The following CEP95 variants were observed in gnomAD, a reference collection of about 807,000 sequenced individuals.
The protein encoded by CEP95 is centrosomal protein 95.
Under a neutral mutation model 111.2 loss-of-function variants are expected in CEP95, and 98 were observed. The ratio of observed to expected loss-of-function variants is 0.88; its 90% CI spans 0.75 to 1.04. The LOEUF is 1.04. Among genes scored for constraint, CEP95 ranks in the 50% least tolerant of loss-of-function variants. CEP95 has a pLI of 0.00. For missense variants in CEP95, 1,027 were observed against 977.2 expected, an observed-to-expected ratio of 1.05 and a Z score of -0.68; for synonymous variants, 323 against 327.1, an observed-to-expected ratio of 0.99 and a Z score of 0.14.
In CEP95 at chr17:64,509,354, A is replaced by G. The variant is rs1598173382; in HGVS notation, c.148+634A>G. Among the ~76,000 whole-genome samples, 5 of 152,332 alleles carry G rather than the reference A, an allele frequency of 3.3e-5. 1 individual carries two copies. Among genetic ancestry groups the G allele is most frequent in the Admixed American group, 2.0e-4 (3 of 15,308 alleles). On this transcript the variant is annotated intron_variant, in intron 2 of 19. Transcript: ENST00000556440. The stretch of plus-strand genomic sequence containing the variant: ...GCCTGTGCTGACCTTTTAAATCTTT[A>G]TACCAATAATTCTAGTTGGCTATTC...
intron 13 of CEP95, 46 bp downstream of exon 13, chr17:64,531,064 G>T (rs1555680233): frequency 9.0e-7 from 1 of 1,113,182 alleles, no homozygotes; most frequent in Admixed American, 2.3e-5. Context: ...GATCAGATGA[G>T]TGGGAAGTAC....
In CEP95 at chr17:64,529,364, C is replaced by A. The variant is rs1568149525; in HGVS notation, c.1383C>A (p.Phe461Leu). ...SPSPVNKHKQFHLERKRQRKP... is the reference protein window; with the variant it reads ...SPSPVNKHKQLHLERKRQRKP... ...CTCCAGTTAACAAACACAAACAGTT[C>A]CACTTGGAGAGAAAAAGGCAGCGCA... The change falls in exon 12 of 20, where the codon TTC (phenylalanine) becomes TTA (leucine). Residue 461 changes from phenylalanine (F) to leucine (L), a missense_variant. Physicochemically the swap from Phe to Leu is conservative, Grantham distance 22 (BLOSUM62 0). Coordinates refer to ENST00000556440, the MANE Select transcript of CEP95 (RefSeq NM_138363.3). The A allele has an allele frequency of 6.2e-7, 1 of 1,613,822 alleles. No individual in the cohort carries two copies. Among genetic ancestry groups the A allele is most frequent in the Non-Finnish European group, 8.5e-7 (1 of 1,179,800 alleles).
rs868994131 is a variant in CEP95 at position 64,522,737 on chromosome 17, AG to A, written c.753del (p.Lys252SerfsTer2). 3.1e-6 allele frequency: 5 copies of A among 1,613,352 alleles called. No homozygotes were observed. Among genetic ancestry groups the A allele is most frequent in the Non-Finnish European group, 4.2e-6 (5 of 1,179,658 alleles). ...TLSVSGIPNA[R>X]KLGEPIRAAI... Reference sequence around the variant, plus strand: ...TTCTGTGAGTGGGATTCCAAATGCTAGGAAGCTAGGGGAGCCTATCCGAGCA... The same window carrying A: ...TTCTGTGAGTGGGATTCCAAATGCTAGAAGCTAGGGGAGCCTATCCGAGCA... On this transcript the variant is annotated frameshift_variant, in exon 8 of 20. Coordinates refer to ENST00000556440, the MANE Select transcript of CEP95 (RefSeq NM_138363.3). LOFTEE classifies it high-confidence loss of function.
chr17:64,516,632 C>T, intron 4 of CEP95, 91 bp from the exon 5 acceptor site: 1 of 639,832 alleles, frequency 1.6e-6, no homozygotes, highest in Non-Finnish European at 2.6e-6. Flanking sequence ...TTAGGGGTGC[C>T]TCACTGTCCT....
At chr17:64,511,607 A>G (rs932173834) in intron 3 of CEP95, among the ~76,000 whole-genome samples, 1 of 152,186 alleles carries the variant, frequency 6.6e-6, no homozygotes, top group Admixed American at 6.5e-5. Flanking sequence ...TCAAACACAC[A>G]TGCTCTACAA....
At chr17:64,510,332 G>C (rs534061560) in intron 3 of CEP95, 52 bp downstream of exon 3, 2 of 1,102,762 alleles carry the variant, frequency 1.8e-6, no homozygotes, top group South Asian at 1.3e-5. Context: ...AAAAATAATT[G>C]TTAGAACTGT....
At chr17:64,525,663 T>G (rs1355276681) in intron 8 of CEP95, 107 bp from the exon 9 acceptor site, 2 of 661,662 alleles carry the variant, frequency 3.0e-6, no homozygotes, top group Non-Finnish European at 5.1e-6. Context: ...ACACGGAGAT[T>G]GAAGGCACGT....
rs1387610495 is a variant in CEP95 at position 64,507,107 on chromosome 17, T to A, written c.10T>A (p.Ser4Thr). The change falls in exon 1 of 20, where the codon TCG (serine) becomes ACG (threonine). Residue 4 changes from serine to threonine, a missense_variant. Ser to Thr is a moderately conservative substitution (Grantham distance 58). Coordinates refer to ENST00000556440, the MANE Select transcript of CEP95 (RefSeq NM_138363.3). ...GACCTGCCTCTGAAACATGGCAGGC[T>A]CGGATGCTGGTGAGTGTCTCCCTGG... MAG[S>T]DAEWVTIANN... 1.3e-6 allele frequency: 2 copies of A among 1,551,232 alleles called. No individual in the cohort carries two copies. Among genetic ancestry groups the A allele is most frequent in the Non-Finnish European group, 1.7e-6 (2 of 1,146,910 alleles).
rs782568738 is a variant in CEP95 at position 64,531,918 on chromosome 17, G to A, written c.1568G>A (p.Arg523His). 5.6e-6 allele frequency: 9 copies of A among 1,602,788 alleles called. No homozygotes were observed. The highest frequency in any genetic ancestry group is 4.5e-5 in the East Asian group (2 of 44,574). The change falls in exon 14 of 20, where the codon CGT becomes CAT. Residue 523 changes from arginine (R) to histidine (H), a missense_variant. Physicochemically the swap from Arg to His is conservative, Grantham distance 29 (BLOSUM62 0). Transcript: ENST00000556440. ...AAAATATACAGAGGAGAAGCTGTTCGTAAAGGAACTCCAGAATGTAGTCAG... is the reference window on the plus strand; with the variant it reads ...AAAATATACAGAGGAGAAGCTGTTCATAAAGGAACTCCAGAATGTAGTCAG... ...TEKIYRGEAV[R>H]KGTPECSQPW...
At chr17:64,513,800 A>G (rs1215450303) in intron 3 of CEP95, among the ~76,000 whole-genome samples, 3 of 152,172 alleles carry the variant, frequency 2.0e-5, no homozygotes, top group Non-Finnish European at 2.9e-5. Flanking sequence ...CTCTGCTGCT[A>G]TAATCTTCTG....
chr17:64,527,307 A>G (rs782069821), intron 11 of CEP95, 43 bp downstream of exon 11: 3 of 1,514,932 alleles, frequency 2.0e-6, no homozygotes, highest in East Asian at 2.3e-5. Context: ...ATCCATGTGA[A>G]CTACTTAGGC....
Position 64,508,598 on chromosome 17 carries a change from T to G in CEP95, c.26T>G (p.Val9Gly). The G allele has an allele frequency of 7.1e-7, 1 of 1,405,868 alleles. No homozygotes were observed. Among genetic ancestry groups the G allele is most frequent in the Non-Finnish European group, 9.4e-7 (1 of 1,068,792 alleles). 87.1% of individuals were successfully genotyped at this position (1,405,868 alleles called of 1,614,324 possible). A position where few individuals can be genotyped will look rare whatever the true frequency, so the allele number is the denominator to read the frequency against. Residue 9 changes from valine to glycine, a missense_variant, in exon 2 of 20, where the codon GTA becomes GGA. Transcript: ENST00000556440. Reference protein sequence around the residue: MAGSDAEWVTIANNLLFKC... With the variant: MAGSDAEWGTIANNLLFKC... ...TCCCCCTTTTTCCCAACAGAGTGGG[T>G]AACCATTGCCAATAACCTTCTTTTT...
intron 14 of CEP95, 80 bp downstream of exon 14, chr17:64,532,102 A>C: frequency 1.9e-5 from 27 of 1,411,790 alleles, no homozygotes; most frequent in Non-Finnish European, 2.5e-5. Context: ...CACAGCACTG[A>C]AAGCTAACAT....
chr17:64,532,456 C>G (rs1366239351), intron 14 of CEP95: 1 of 985,292 alleles, frequency 1.0e-6, no homozygotes, highest in Non-Finnish European at 1.2e-6. Flanking sequence ...CTTCCTGTTA[C>G]ACCCAAAGAC....
At chr17:64,511,705 G>A (rs982287214) in intron 3 of CEP95, among the ~76,000 whole-genome samples, 1 of 152,220 alleles carries the variant, frequency 6.6e-6, no homozygotes, top group Admixed American at 6.5e-5. Context: ...AGAGATTAAA[G>A]TGAAGACAGG....
At chr17:64,520,037 C>G (rs1466732346) in intron 6 of CEP95, among the ~76,000 whole-genome samples, 1 of 152,152 alleles carries the variant, frequency 6.6e-6, no homozygotes, top group Non-Finnish European at 1.5e-5. Context: ...AACTCACCCT[C>G]CAGTAGACCA....
rs541829058 is a variant in CEP95, at chr17:64,506,990, T to C, written c.-108T>C. The C allele has an allele frequency of 3.2e-5, 41 of 1,297,784 alleles. 2 individuals carry two copies. The South Asian group carries it at 4.9e-4, about 16-fold the overall frequency. The allele number at this position is 1,297,784 out of a possible 1,614,324, so 80.4% of individuals were successfully genotyped here. On this transcript the variant is annotated 5_prime_UTR_variant, in exon 1 of 20. Coordinates refer to ENST00000556440, the MANE Select transcript of CEP95 (RefSeq NM_138363.3). ...CTTTCACGCCTCCTTCCCCGCGCTTTGGTTCGTGCGTCCGCGCCCCAGTGT... is the reference window on the plus strand; with the variant it reads ...CTTTCACGCCTCCTTCCCCGCGCTTCGGTTCGTGCGTCCGCGCCCCAGTGT...
intron 4 of CEP95, among the ~76,000 whole-genome samples, chr17:64,515,256 A>G (rs1283885009): frequency 6.6e-6 from 1 of 152,190 alleles, no homozygotes; most frequent in African/African-American, 2.4e-5. Context: ...GGAGACAGCC[A>G]TAACTACATA....
At chr17:64,507,749 A>G in intron 1 of CEP95, 1 of 985,740 alleles carries the variant, frequency 1.0e-6, no homozygotes, top group Non-Finnish European at 1.2e-6. Flanking sequence ...ATGTGCATGG[A>G]AAATACACTC....
Sources: allele counts gnomAD v4.1 joint callset (sites outside exome capture counted in the v4.1 genomes callset), GRCh38; gene constraint gnomAD v4.1.1; transcripts MANE v1.5; gene names NCBI Gene and HGNC (gene_info 2026-07-23, HGNC 2026-07-21).